Variants in NTM observed in about 807,000 individuals in gnomAD.
NTM encodes IgLON family member 2.
A neutral mutation model predicts 42.1 loss-of-function variants in NTM; 13 were observed. That is an observed-to-expected ratio of 0.31 (90% CI 0.20 to 0.49). The LOEUF (loss-of-function observed/expected upper bound fraction) is 0.49, where lower values mean the gene tolerates loss of function less well. NTM is among the 20% of genes least tolerant of loss of function. The pLI, the probability that NTM is intolerant of heterozygous loss-of-function variation, is 0.99. For missense variants in NTM, 373 were observed against 452.8 expected (o/e 0.82, Z 1.60); for synonymous variants, 187 against 179.2 (o/e 1.04, Z -0.35).
At chr11:131,725,280 TATAAA>T (rs142616455) in intron 1 of NTM, among the ~76,000 whole-genome samples, 2,362 of 152,100 alleles carry the variant, frequency 0.016, 59 homozygotes, top group African/African-American at 0.053. Flanking sequence ...AATAGAAAAA[TATAAA>T]ATAAAATCTT....
chr11:131,558,782 C>T (rs545267478), intron 1 of NTM, among the ~76,000 whole-genome samples: 4 of 152,252 alleles, frequency 2.6e-5, no homozygotes, highest in Non-Finnish European at 4.4e-5. Context: ...GAAGGGGTGC[C>T]ATCCCCTACC....
chr11:132,317,608 G>GTGTT (rs1170588479), intron 7 of NTM: 6 of 1,147,702 alleles, frequency 5.2e-6, no homozygotes, highest in South Asian at 3.9e-5. Flanking sequence ...TATAATATAT[G>GTGTT]TGTTTGTTCT....
chr11:131,750,076 G>A (rs551890769), intron 1 of NTM, among the ~76,000 whole-genome samples: 1 of 152,306 alleles, frequency 6.6e-6, no homozygotes, highest in East Asian at 1.9e-4. Flanking sequence ...CCTGACCTTA[G>A]GTGGAAAGCC....
In NTM at chr11:131,424,020, C is replaced by T. The variant is rs548333160; in HGVS notation, c.82+53132C>T. On this transcript the variant is annotated intron_variant, in intron 1 of 8. Coordinates refer to ENST00000683400, the MANE Select transcript of NTM (RefSeq NM_001352005.2). ...GGAGGTAACCCTGTGTGTTTAACTTCCACTTCACCCTCCCTTCTGAGTGGA... is the reference window on the plus strand; with the variant it reads ...GGAGGTAACCCTGTGTGTTTAACTTTCACTTCACCCTCCCTTCTGAGTGGA... Among the ~76,000 whole-genome samples the T allele has an allele frequency of 2.0e-5, 3 of 152,296 alleles. No individual in the cohort carries two copies. In the South Asian group the frequency reaches 6.2e-4, roughly 32 times the overall value.
At chr11:131,749,737 G>A (rs1295709775) in intron 1 of NTM, among the ~76,000 whole-genome samples, 1 of 152,130 alleles carries the variant, frequency 6.6e-6, no homozygotes, top group Non-Finnish European at 1.5e-5. Context: ...TAGCTGGGAT[G>A]ACAGGTGCCC....
chr11:131,407,967 T>C (rs143106301), intron 1 of NTM, among the ~76,000 whole-genome samples: 106 of 152,338 alleles, frequency 7.0e-4, no homozygotes, highest in African/African-American at 2.5e-3. Flanking sequence ...TATTCACTGG[T>C]TACTCCGAAA....
At chr11:131,690,022 A>G (rs1182005125) in intron 1 of NTM, among the ~76,000 whole-genome samples, 1 of 152,218 alleles carries the variant, frequency 6.6e-6, no homozygotes, top group East Asian at 1.9e-4. Flanking sequence ...TCTCACAGGC[A>G]GAGACCCATG....
At chr11:131,555,325 G>A (rs2055260975) in intron 1 of NTM, among the ~76,000 whole-genome samples, 1 of 152,180 alleles carries the variant, frequency 6.6e-6, no homozygotes. Context: ...TGGTTCTTAG[G>A]AGGAAGACAG....
At chr11:132,113,563 C>T (rs1252142195) in intron 2 of NTM, among the ~76,000 whole-genome samples, 1 of 152,212 alleles carries the variant, frequency 6.6e-6, no homozygotes, top group Non-Finnish European at 1.5e-5. Flanking sequence ...GCTTCATCAA[C>T]CTGGATCCCC....
chr11:131,917,794 C>A (rs1363229367), intron 2 of NTM, among the ~76,000 whole-genome samples: 1 of 152,250 alleles, frequency 6.6e-6, no homozygotes, highest in Non-Finnish European at 1.5e-5. Flanking sequence ...AGGCATCCGG[C>A]TGGTGTCCTG....
At chr11:131,532,768 T>C (rs1263997022) in intron 1 of NTM, among the ~76,000 whole-genome samples, 3 of 152,226 alleles carry the variant, frequency 2.0e-5, no homozygotes, top group Non-Finnish European at 4.4e-5. Context: ...CACATTCTAA[T>C]GGGTGTGAAG....
At chr11:132,307,208 G>C (rs966050634) in intron 4 of NTM, among the ~76,000 whole-genome samples, 2 of 152,056 alleles carry the variant, frequency 1.3e-5, no homozygotes, top group African/African-American at 4.8e-5. Flanking sequence ...TGCTACCTTT[G>C]TGATGCACGT....
At chr11:131,447,360 C>T (rs1364396388) in intron 1 of NTM, among the ~76,000 whole-genome samples, 1 of 152,162 alleles carries the variant, frequency 6.6e-6, no homozygotes, top group East Asian at 1.9e-4. Flanking sequence ...TAAAGAGACC[C>T]CCCTTCCCTT....
chr11:131,405,800 T>A (rs980744570), intron 1 of NTM, among the ~76,000 whole-genome samples: 2 of 152,156 alleles, frequency 1.3e-5, no homozygotes, highest in African/African-American at 4.8e-5. Flanking sequence ...CCCTCATACA[T>A]CCCCATCTTC....
chr11:131,503,591 T>C (rs1849776), intron 1 of NTM, among the ~76,000 whole-genome samples: 7,492 of 151,774 alleles, frequency 0.049, 298 homozygotes, highest in African/African-American at 0.089. Context: ...GGCACAGTCA[T>C]GGCTCACTGT....
intron 3 of NTM, chr11:132,211,663 G>T (rs1387739431): frequency 5.0e-6 from 1 of 198,558 alleles, no homozygotes; most frequent in Non-Finnish European, 1.0e-5. Flanking sequence ...GATCAGAATT[G>T]CATTCTTTCA....
At chr11:132,023,392 A>C (rs557638707) in intron 2 of NTM, among the ~76,000 whole-genome samples, 1 of 152,336 alleles carries the variant, frequency 6.6e-6, no homozygotes, top group East Asian at 1.9e-4. Context: ...CACAAGTTCA[A>C]TATGAAGCTG....
intron 1 of NTM, among the ~76,000 whole-genome samples, chr11:131,823,768 C>G (rs979276295): frequency 1.3e-5 from 2 of 152,148 alleles, no homozygotes; most frequent in Admixed American, 6.5e-5. Flanking sequence ...TGGGTTAGAG[C>G]AGTAATTGTG....
chr11:131,728,010 A>G (rs1205811175), intron 1 of NTM, among the ~76,000 whole-genome samples: 1 of 152,216 alleles, frequency 6.6e-6, no homozygotes, highest in Non-Finnish European at 1.5e-5. Flanking sequence ...TAATAACAAC[A>G]ATAATGATAG....
Sources: gnomAD v4.1 joint callset for allele counts (sites outside exome capture counted in the v4.1 genomes callset) on GRCh38, gnomAD v4.1.1 for gene constraint, MANE v1.5 for transcripts, NCBI Gene and HGNC (gene_info 2026-07-23, HGNC 2026-07-21) for gene names.